TENT4A: variants seen among roughly 807,000 people sequenced by gnomAD.
TENT4A encodes DNA polymerase kappa.
In TENT4A, 7 loss-of-function variants were observed where a neutral mutation model predicts 72.8. The ratio of observed to expected loss-of-function variants is 0.10; its 90% CI spans 0.05 to 0.18. TENT4A has a LOEUF of 0.18. Ranked by LOEUF, TENT4A falls within the 10% of genes least tolerant of loss-of-function variation. The pLI, the probability that TENT4A is intolerant of heterozygous loss-of-function variation, is 1.00. For synonymous variants in TENT4A, 456 were observed against 434.3 expected (o/e 1.05, Z -0.62); for missense variants, 831 against 1,017.7 (o/e 0.82, Z 2.50).
chr5:6,724,822 C>T (rs183786936), intron 1 of TENT4A, among the ~76,000 whole-genome samples: 1 of 152,324 alleles, frequency 6.6e-6, no homozygotes, highest in Admixed American at 6.5e-5. Context: ...GTAATCACCA[C>T]TGGCCTGACT....
chr5:6,750,994 CT>C, intron 10 of TENT4A, 44 bp from the exon 11 acceptor site: 1 of 1,604,992 alleles, frequency 6.2e-7, no homozygotes, highest in Non-Finnish European at 8.5e-7. Flanking sequence ...AGTAGTGCAC[CT>C]TTGTGGTACA....
At chr5:6,733,929 A>T (rs1455307469) in intron 1 of TENT4A, among the ~76,000 whole-genome samples, 2 of 152,196 alleles carry the variant, frequency 1.3e-5, no homozygotes, top group African/African-American at 2.4e-5. Flanking sequence ...TTTTAAAGGG[A>T]TAGTTGGCGA....
At chr5:6,717,504 C>T (rs1003885695) in intron 1 of TENT4A, among the ~76,000 whole-genome samples, 3 of 152,236 alleles carry the variant, frequency 2.0e-5, no homozygotes, top group East Asian at 1.9e-4. Flanking sequence ...GTGGCTTGGC[C>T]TTGTGAGACT....
At chr5:6,721,926 G>T (rs911018640) in intron 1 of TENT4A, among the ~76,000 whole-genome samples, 1 of 152,200 alleles carries the variant, frequency 6.6e-6, no homozygotes, top group African/African-American at 2.4e-5. Flanking sequence ...GTTTGAAAGA[G>T]ATTTCAGATC....
rs879124845 is a variant in TENT4A at position 6,756,910 on chromosome 5, C to T, written c.*1965C>T. On this transcript the variant is annotated 3_prime_UTR_variant, in exon 13 of 13. Transcript: ENST00000230859. The stretch of plus-strand genomic sequence containing the variant: ...GAATTGGCCTGGCTACCACTGTGGT[C>T]GCGTGCTACAGGTTTGACAAAAAGA... 4 of 152,460 alleles carry T rather than the reference C, an allele frequency of 2.6e-5. No individual in the cohort carries two copies. The highest frequency in any genetic ancestry group is 5.9e-5 in the Non-Finnish European group (4 of 68,012). The allele number at this position is 152,460 out of a possible 1,614,324, so 9.4% of individuals were successfully genotyped here. A position where few individuals can be genotyped will look rare whatever the true frequency, so the allele number is the denominator to read the frequency against.
chr5:6,742,329 T>C (rs1185324857), intron 4 of TENT4A, among the ~76,000 whole-genome samples, 161 bp from the exon 5 acceptor site: 1 of 151,394 alleles, frequency 6.6e-6, no homozygotes, highest in African/African-American at 2.4e-5. Context: ...GGCCTGGGAG[T>C]CGTCCTGGGT....
In TENT4A at chr5:6,754,813, C is replaced by T; in HGVS notation, c.2247C>T (p.Tyr749=). The change falls in exon 13 of 13, where the codon TAC becomes TAT. Residue 749 remains tyrosine, a synonymous_variant. Transcript: ENST00000230859. ...ACGGCCACACCCAAGGCGGCGGCTA[C>T]AGCTCTGTGGGTAGCGGAGGTGTGC... ...GSHGHTQGGG[Y]SSVGSGGVRP... 4 of 1,605,350 alleles carry T rather than the reference C, an allele frequency of 2.5e-6. No homozygotes were observed. The highest frequency in any genetic ancestry group is 3.4e-6 in the Non-Finnish European group (4 of 1,173,186).
intron 1 of TENT4A, among the ~76,000 whole-genome samples, chr5:6,727,024 TCAC>T (rs1190334680): frequency 6.6e-6 from 1 of 152,080 alleles, no homozygotes; most frequent in Non-Finnish European, 1.5e-5. Context: ...GATCCCCAGC[TCAC>T]CACCCTAGTG....
intron 3 of TENT4A, 138 bp from the exon 4 acceptor site, chr5:6,739,594 G>A (rs1471540301): frequency 3.1e-6 from 3 of 954,122 alleles, no homozygotes; most frequent in Admixed American, 2.5e-5. Context: ...CACCTCCTTA[G>A]GGGCCATAGG....
At position 6,750,235 on chromosome 5, in the gene TENT4A, C is replaced by T. The variant is rs573933409; in HGVS notation, c.1688-96C>T. 8.4e-5 allele frequency: 79 copies of T among 945,114 alleles called. No individual in the cohort carries two copies. The South Asian group carries it at 1.3e-3, about 16-fold the overall frequency. The allele number at this position is 945,114 out of a possible 1,614,324, so 58.5% of individuals were successfully genotyped here. ...TTGGGTTTGTTAGTCACATTAGCAG[C>T]GTTCCCGGCTCAGCAGAGCCCGTGA... On this transcript the variant is annotated intron_variant, in intron 9 of 12. Transcript: ENST00000230859.
intron 1 of TENT4A, among the ~76,000 whole-genome samples, chr5:6,731,583 A>C (rs1561032428): frequency 6.7e-6 from 1 of 148,716 alleles, no homozygotes; most frequent in Non-Finnish European, 1.5e-5. Context: ...ACTGTTGCCC[A>C]GACTAGAGTG....
chr5:6,731,092 C>T (rs1741188631), intron 1 of TENT4A, among the ~76,000 whole-genome samples: 2 of 152,184 alleles, frequency 1.3e-5, no homozygotes, highest in South Asian at 4.1e-4. Flanking sequence ...ATAAAATCTA[C>T]AAAATTGCAG....
Position 6,742,651 on chromosome 5 carries a change from C to T in TENT4A, c.1116+54C>T, listed in dbSNP as rs1741865747. 5 of 998,784 alleles carry T rather than the reference C, an allele frequency of 5.0e-6. No individual in the cohort carries two copies. In the Admixed American group the frequency reaches 5.1e-5, roughly 10 times the overall value. 61.9% of individuals were successfully genotyped at this position (998,784 alleles called of 1,614,324 possible). A position where few individuals can be genotyped will look rare whatever the true frequency, so the allele number is the denominator to read the frequency against. ...AGAGTGCAGGACTGGAGTGCTTGTG[C>T]TTGGTGGCATCCTACGATGTTTACA... On this transcript the variant is annotated intron_variant, in intron 5 of 12. Coordinates refer to ENST00000230859, the MANE Select transcript of TENT4A (RefSeq NM_006999.6).
At chr5:6,743,617 G>A in intron 5 of TENT4A, 95 bp from the exon 6 acceptor site, 1 of 1,037,116 alleles carries the variant, frequency 9.6e-7, no homozygotes, top group Middle Eastern at 3.2e-4. Context: ...GAGGATCGAG[G>A]AAACTTTCCT....
chr5:6,752,874 C>T lies in TENT4A; in HGVS notation c.2021C>T (p.Thr674Ile). 6.2e-7 allele frequency: 1 copy of T among 1,611,566 alleles called. No individual in the cohort carries two copies. The highest frequency in any genetic ancestry group is 2.2e-5 in the East Asian group (1 of 44,818). The part of the protein sequence containing the change: ...RTLIMTTNNQ[T>I]RFTIPPPTLG... ...GGCCGTCTCTCATTTTGTTCCTAGA[C>T]CAGGTTTACTATACCTCCACCGACC... Residue 674 changes from threonine to isoleucine, a missense_variant and splice_region_variant, in exon 12 of 13, where the codon ACC becomes ATC. Thr to Ile is a moderately conservative substitution (Grantham distance 89). This residue lies in a region of TENT4A where 332 missense variants were observed against 324.3 expected (regional missense o/e 1.02). Transcript: ENST00000230859.
At chr5:6,715,278 A>G (rs921830968) in intron 1 of TENT4A, among the ~76,000 whole-genome samples, 1 of 152,166 alleles carries the variant, frequency 6.6e-6, no homozygotes, top group Non-Finnish European at 1.5e-5. Flanking sequence ...CAAAGAAAAA[A>G]CCAGATTTGT....
chr5:6,718,969 GAA>G (rs144135037), intron 1 of TENT4A, among the ~76,000 whole-genome samples: 3 of 140,000 alleles, frequency 2.1e-5, no homozygotes, highest in African/African-American at 2.6e-5. Context: ...CTTTTCGCAG[GAA>G]AAAAAAAAAA....
intron 1 of TENT4A, 145 bp downstream of exon 1, chr5:6,714,844 GT>G (rs959160106): frequency 6.7e-4 from 216 of 321,170 alleles, no homozygotes; most frequent in East Asian, 8.5e-4. Context: ...TGCACTGAAA[GT>G]TTTTTTTTTA....
At chr5:6,740,458 G>A (rs1454707718) in intron 4 of TENT4A, among the ~76,000 whole-genome samples, 4 of 152,166 alleles carry the variant, frequency 2.6e-5, no homozygotes, top group Admixed American at 6.5e-5. Context: ...TCACCTGTGC[G>A]ACCGGCTAGC....
Sources: allele counts gnomAD v4.1 joint callset (sites outside exome capture counted in the v4.1 genomes callset), GRCh38; gene constraint gnomAD v4.1.1; regional missense constraint gnomAD v4.1.1; transcripts MANE v1.5; gene names NCBI Gene and HGNC (gene_info 2026-07-23, HGNC 2026-07-21).